The following GATAD2A variants were observed in gnomAD, a reference collection of about 807,000 sequenced individuals.
GATAD2A encodes the protein GATA zinc finger domain containing 2A.
GATAD2A carries 12 observed loss-of-function variants against 68.5 expected under a neutral mutation model. The observed-to-expected ratio is 0.18, with a 90% CI of 0.11 to 0.28. The LOEUF is 0.28. GATAD2A is among the 10% of genes least tolerant of loss of function. The pLI is 1.00. For missense variants in GATAD2A, 755 were observed against 868.5 expected (o/e 0.87, Z 1.64); for synonymous variants, 410 against 375.3 (o/e 1.09, Z -1.07).
chr19:19,482,767 G>T (rs1021710525), intron 2 of GATAD2A, among the ~76,000 whole-genome samples: 1 of 152,110 alleles, frequency 6.6e-6, no homozygotes, highest in African/African-American at 2.4e-5. Flanking sequence ...TCATTTCTTC[G>T]ATTGTAGTCA....
intron 1 of GATAD2A, chr19:19,435,047 G>A (rs779227439): frequency 2.1e-5 from 11 of 524,764 alleles, no homozygotes; most frequent in Middle Eastern, 3.6e-4. Context: ...AGCCCTGCGT[G>A]CTGCCTGTGT....
intron 1 of GATAD2A, among the ~76,000 whole-genome samples, chr19:19,436,519 G>A (rs2054369652): frequency 6.6e-6 from 1 of 152,244 alleles, no homozygotes; most frequent in South Asian, 2.1e-4. Flanking sequence ...CCTGGCCAGT[G>A]GCCTTTGCCC....
intron 2 of GATAD2A, among the ~76,000 whole-genome samples, chr19:19,468,217 C>T (rs2058024266): frequency 6.6e-6 from 1 of 152,354 alleles, no homozygotes; most frequent in South Asian, 2.1e-4. Context: ...TAAAGAGGTT[C>T]TGTCCAGCCA....
At chr19:19,427,676 C>CT (rs1221080760) in intron 1 of GATAD2A, 1 of 156,762 alleles carries the variant, frequency 6.4e-6, no homozygotes. Context: ...TTCTTTCTTT[C>CT]TTTCTTTTTT....
chr19:19,476,416 C>T (rs2058680879), intron 2 of GATAD2A, among the ~76,000 whole-genome samples: 1 of 152,224 alleles, frequency 6.6e-6, no homozygotes, highest in South Asian at 2.1e-4. Flanking sequence ...TAACTGATGT[C>T]CCAGCTCCTG....
intron 1 of GATAD2A, among the ~76,000 whole-genome samples, chr19:19,387,542 C>T (rs1016214633): frequency 6.6e-6 from 1 of 152,116 alleles, no homozygotes; most frequent in Non-Finnish European, 1.5e-5. Flanking sequence ...TGGTCTCGAA[C>T]TTCTGAGCTC....
chr19:19,463,933 G>A (rs772118545), intron 1 of GATAD2A, among the ~76,000 whole-genome samples: 41 of 152,204 alleles, frequency 2.7e-4, no homozygotes, highest in Non-Finnish European at 5.1e-4. Flanking sequence ...GGCACATTTG[G>A]GCAGGGCCTT....
intron 1 of GATAD2A, among the ~76,000 whole-genome samples, chr19:19,424,239 G>T (rs774573273): frequency 4.7e-4 from 72 of 151,856 alleles, no homozygotes; most frequent in Non-Finnish European, 8.4e-4. Context: ...AGTTTTTGTT[G>T]TTGTTTTTGA....
Position 19,427,714 on chromosome 19 carries a change from G to A in GATAD2A, c.-7+21695G>A, listed in dbSNP as rs117844196. On this transcript the variant is annotated intron_variant, in intron 1 of 11. Transcript: ENST00000683918. ...TTTTTAGATGGAGTCTTATTCTGTC[G>A]CCAGGCTGGAGTGCAGTGGTATGAT... The A allele has an allele frequency of 6.2e-4, 96 of 155,826 alleles. 2 individuals are homozygous for A. The East Asian group carries it at 0.015, about 24-fold the overall frequency. 9.7% of individuals were successfully genotyped at this position (155,826 alleles called of 1,614,324 possible).
Position 19,465,370 on chromosome 19 carries a change from C to G in GATAD2A, c.25C>G (p.Arg9Gly). 1 of 1,613,890 alleles carries G rather than the reference C, an allele frequency of 6.2e-7. No homozygotes were observed. The highest frequency in any genetic ancestry group is 8.5e-7 in the Non-Finnish European group (1 of 1,179,758). Residue 9 changes from arginine to glycine, a missense_variant, in exon 2 of 12, where the codon CGG becomes GGG. Physicochemically the swap from Arg to Gly is moderately radical, Grantham distance 125. Transcript: ENST00000683918. ...AATGACCGAAGAAGCATGCCGAACA[C>G]GGAGTCAGAAACGAGCGCTTGAACG... The part of the protein sequence containing the change: MTEEACRT[R>G]SQKRALERDP...
chr19:19,476,962 C>T (rs1375289231), intron 2 of GATAD2A, among the ~76,000 whole-genome samples: 2 of 152,124 alleles, frequency 1.3e-5, no homozygotes, highest in South Asian at 2.1e-4. Context: ...GAAAAAAGAA[C>T]GTGGGTGTCT....
At chr19:19,410,864 G>C (rs2050836387) in intron 1 of GATAD2A, among the ~76,000 whole-genome samples, 1 of 152,170 alleles carries the variant, frequency 6.6e-6, no homozygotes, top group African/African-American at 2.4e-5. Context: ...TTCTGTCAAG[G>C]GGGTACTTAC....
intron 1 of GATAD2A, among the ~76,000 whole-genome samples, chr19:19,460,568 G>T (rs1160509878): frequency 1.3e-5 from 2 of 152,180 alleles, no homozygotes; most frequent in African/African-American, 4.8e-5. Context: ...CTGCTCCTCA[G>T]CATCTCCGTG....
At chr19:19,443,446 T>C (rs2055339802) in intron 1 of GATAD2A, among the ~76,000 whole-genome samples, 1 of 152,202 alleles carries the variant, frequency 6.6e-6, no homozygotes, top group African/African-American at 2.4e-5. Flanking sequence ...CAGCCAGATA[T>C]GACTCCAACA....
At chr19:19,484,036 C>T (rs932713322) in intron 2 of GATAD2A, among the ~76,000 whole-genome samples, 1 of 152,098 alleles carries the variant, frequency 6.6e-6, no homozygotes, top group East Asian at 1.9e-4. Flanking sequence ...GGGAGGACTG[C>T]GTGGGGTCCC....
At chr19:19,503,340 GGAGCCTGA>G (rs944880389) in intron 11 of GATAD2A, among the ~76,000 whole-genome samples, 1 of 152,052 alleles carries the variant, frequency 6.6e-6, no homozygotes, top group Non-Finnish European at 1.5e-5. Context: ...AGTGGTGGGG[GGAGCCTGA>G]GAGCCTGCTG....
intron 2 of GATAD2A, among the ~76,000 whole-genome samples, chr19:19,491,500 T>C (rs1254369612): frequency 6.6e-6 from 1 of 151,796 alleles, no homozygotes; most frequent in Non-Finnish European, 1.5e-5. Context: ...ACTTACGGAG[T>C]GGGCAGCAGG....
chr19:19,410,721 T>A (rs1264975825), intron 1 of GATAD2A, among the ~76,000 whole-genome samples: 1 of 152,206 alleles, frequency 6.6e-6, no homozygotes. Flanking sequence ...TGTGGCCGTG[T>A]GCCTATTGCT....
At chr19:19,414,880 G>A (rs1409176133) in intron 1 of GATAD2A, among the ~76,000 whole-genome samples, 1 of 138,904 alleles carries the variant, frequency 7.2e-6, no homozygotes, top group Non-Finnish European at 1.5e-5. Context: ...GGTCATTTTG[G>A]GTGTCTGTAG....
Sources: allele counts gnomAD v4.1 joint callset (sites outside exome capture counted in the v4.1 genomes callset), GRCh38; gene constraint gnomAD v4.1.1; transcripts MANE v1.5; gene names NCBI Gene and HGNC (gene_info 2026-07-23, HGNC 2026-07-21).